The following CFAP45 variants were observed in gnomAD, a reference collection of about 807,000 sequenced individuals.
CFAP45 encodes cilia- and flagella-associated protein 45.
In CFAP45, 43 loss-of-function variants were observed where a neutral mutation model predicts 75.6. The ratio of observed to expected loss-of-function variants is 0.57; its 90% CI spans 0.45 to 0.73. The LOEUF (loss-of-function observed/expected upper bound fraction) is 0.73, where lower values mean the gene tolerates loss of function less well. CFAP45 is among the 30% of genes least tolerant of loss of function. CFAP45 has a pLI of 0.00. For missense variants in CFAP45, 689 were observed against 701.5 expected, an observed-to-expected ratio of 0.98 and a Z score of 0.20; for synonymous variants, 223 against 244.6, an observed-to-expected ratio of 0.91 and a Z score of 0.82.
chr1:159,876,449 G>C, intron 10 of CFAP45, 107 bp downstream of exon 10: 1 of 810,692 alleles, frequency 1.2e-6, no homozygotes, highest in Non-Finnish European at 2.1e-6. Context: ...ACCCAGACAA[G>C]ATCGACGAGC....
In CFAP45 at chr1:159,877,475, A is replaced by G. The variant is rs542954801; in HGVS notation, c.1045-13T>C. On this transcript the variant is annotated splice_polypyrimidine_tract_variant and intron_variant, in intron 8 of 11. Coordinates refer to ENST00000368099, the MANE Select transcript of CFAP45 (RefSeq NM_012337.3). ...CTGCTTCTCGAGCCTGCCGGAAGGAAAGGCCTTGTAGAATAGTTGCCATTG... is the reference window on the plus strand; with the variant it reads ...CTGCTTCTCGAGCCTGCCGGAAGGAGAGGCCTTGTAGAATAGTTGCCATTG... 24 of 1,589,846 alleles carry G rather than the reference A, an allele frequency of 1.5e-5. No homozygotes were observed. The highest frequency in any genetic ancestry group is 1.8e-5 in the Non-Finnish European group (21 of 1,157,950).
chr1:159,872,943 C>T lies in CFAP45; in HGVS notation c.1577+1G>A. On this transcript the variant is annotated splice_donor_variant, in intron 11 of 11. Coordinates refer to ENST00000368099, the MANE Select transcript of CFAP45 (RefSeq NM_012337.3). LOFTEE classifies it high-confidence loss of function. Reference sequence around the variant, plus strand: ...TGGGAAAGGAGGAGATTCCAGCGCACCTCAGCTCTTCAAGCTTTTTCCTCT... The same window carrying T: ...TGGGAAAGGAGGAGATTCCAGCGCATCTCAGCTCTTCAAGCTTTTTCCTCT... 6.2e-7 allele frequency: 1 copy of T among 1,613,782 alleles called. No homozygotes were observed. Among genetic ancestry groups the T allele is most frequent in the Non-Finnish European group, 8.5e-7 (1 of 1,179,638 alleles).
rs1473665191 is a variant in CFAP45, at chr1:159,884,664, C to T, written c.768-99G>A. ...CAACCCCCAAGATGGGTGGTGTCAC[C>T]GAAACAATTTGACAAGTGCCCCCTA... On this transcript the variant is annotated intron_variant, in intron 6 of 11. Transcript: ENST00000368099. The T allele has an allele frequency of 1.8e-5, 22 of 1,256,802 alleles. 1 individual carries two copies. Among genetic ancestry groups the T allele is most frequent in the Admixed American group, 4.4e-5 (2 of 45,212 alleles). 77.9% of individuals were successfully genotyped at this position (1,256,802 alleles called of 1,614,324 possible).
chr1:159,890,172 A>G (rs145399574), intron 3 of CFAP45, among the ~76,000 whole-genome samples: 18 of 152,340 alleles, frequency 1.2e-4, no homozygotes, highest in Middle Eastern at 3.4e-3. Flanking sequence ...ATGGGGACTT[A>G]GAGAGGACTC....
chr1:159,888,434 A>G lies in CFAP45; in HGVS notation c.335T>C (p.Ile112Thr). The G allele has an allele frequency of 6.2e-7, 1 of 1,606,152 alleles. No individual in the cohort carries two copies. The highest frequency in any genetic ancestry group is 8.5e-7 in the Non-Finnish European group (1 of 1,174,038). Residue 112 changes from isoleucine (I) to threonine (T), a missense_variant, in exon 4 of 12, where the codon ATC becomes ACC. Physicochemically the swap from Ile to Thr is moderately conservative, Grantham distance 89. Transcript: ENST00000368099. Reference sequence around the variant, plus strand: ...GGTCAGGACATGGGATGCCCATTTGATTCGCTCAAACTCCTCAGGGCTGAT... The same window carrying G: ...GGTCAGGACATGGGATGCCCATTTGGTTCGCTCAAACTCCTCAGGGCTGAT... Reference protein sequence around the residue: ...LIISPEEFERIKWASHVLTRE... With the variant: ...LIISPEEFERTKWASHVLTRE...
chr1:159,881,575 T>G (rs1228367562), intron 7 of CFAP45, among the ~76,000 whole-genome samples: 1 of 152,120 alleles, frequency 6.6e-6, no homozygotes, highest in Non-Finnish European at 1.5e-5. Context: ...ATAGCAAATA[T>G]TCGATAAACC....
chr1:159,876,520 A>C, intron 10 of CFAP45, 36 bp downstream of exon 10: 1 of 1,465,662 alleles, frequency 6.8e-7, no homozygotes, highest in African/African-American at 1.4e-5. Context: ...GCTACAGTAC[A>C]AGGAAAGGAA....
chr1:159,889,794 G>A (rs1329453061), intron 3 of CFAP45, among the ~76,000 whole-genome samples: 1 of 152,226 alleles, frequency 6.6e-6, no homozygotes, highest in East Asian at 1.9e-4. Context: ...TGTGACACAG[G>A]TAGGATTTTC....
intron 7 of CFAP45, among the ~76,000 whole-genome samples, chr1:159,882,470 T>C (rs557517214): frequency 1.3e-5 from 2 of 152,322 alleles, no homozygotes; most frequent in South Asian, 2.1e-4. Flanking sequence ...ACCAAAGGAC[T>C]TTCCCTGTTT....
intron 10 of CFAP45, among the ~76,000 whole-genome samples, chr1:159,874,928 C>G (rs2101840215): frequency 6.6e-6 from 1 of 152,280 alleles, no homozygotes; most frequent in South Asian, 2.1e-4. Context: ...TCCCTCTGTC[C>G]AGAAACAAAA....
intron 3 of CFAP45, among the ~76,000 whole-genome samples, chr1:159,889,733 C>T (rs1415279317): frequency 6.6e-6 from 1 of 152,214 alleles, no homozygotes; most frequent in Non-Finnish European, 1.5e-5. Context: ...CAGTAAGGGG[C>T]CGCAGTCCGA....
intron 6 of CFAP45, among the ~76,000 whole-genome samples, chr1:159,884,997 A>G (rs1427910267): frequency 6.6e-6 from 1 of 152,250 alleles, no homozygotes; most frequent in East Asian, 1.9e-4. Flanking sequence ...CAATGTTGTC[A>G]GTGATTCCCT....
At chr1:159,873,689 C>T (rs545905368) in intron 10 of CFAP45, among the ~76,000 whole-genome samples, 38 of 152,254 alleles carry the variant, frequency 2.5e-4, no homozygotes, top group African/African-American at 9.1e-4. Context: ...GCCCAAGCTA[C>T]ACATTCTCAA....
chr1:159,884,222 AAG>A lies in CFAP45; in HGVS notation c.897+212_897+213del, dbSNP rs779249671. 2.0e-5 allele frequency among the ~76,000 whole-genome samples: 3 copies of A among 151,686 alleles called. 1 individual carries two copies. In the South Asian group the frequency reaches 6.2e-4, roughly 31 times the overall value. ...TCTTGGACCTCAAGTCCTTGGAAGG[AAG>A]GGACAATATCTATCCAAATCACTGC... is the stretch of plus-strand genomic sequence containing the variant. On this transcript the variant is annotated intron_variant, in intron 7 of 11. Transcript: ENST00000368099.
At chr1:159,879,425 T>C (rs976557799) in intron 8 of CFAP45, among the ~76,000 whole-genome samples, 1 of 152,216 alleles carries the variant, frequency 6.6e-6, no homozygotes, top group Non-Finnish European at 1.5e-5. Context: ...TATTGAAGCA[T>C]CCAGTATATT....
In CFAP45 at chr1:159,886,380, G is replaced by T; in HGVS notation, c.767+131C>A. ...GTTCTGTGATTCTATGTATCACTTC[G>T]TAAAGTTTTGAGATAATAAGTAGAT... On this transcript the variant is annotated intron_variant, in intron 6 of 11. Coordinates refer to ENST00000368099, the MANE Select transcript of CFAP45 (RefSeq NM_012337.3). 3 of 816,354 alleles carry T rather than the reference G, an allele frequency of 3.7e-6. No individual in the cohort carries two copies. In the South Asian group the frequency reaches 5.1e-5, roughly 14 times the overall value. The allele number at this position is 816,354 out of a possible 1,614,324, so 50.6% of individuals were successfully genotyped here.
intron 2 of CFAP45, 134 bp from the exon 3 acceptor site, chr1:159,890,756 T>C: frequency 3.7e-6 from 2 of 545,614 alleles, no homozygotes; most frequent in Non-Finnish European, 5.8e-6. Flanking sequence ...GCTTTTCTTT[T>C]CTTTTTTTTT....
chr1:159,879,423 C>A (rs78119653), intron 8 of CFAP45, among the ~76,000 whole-genome samples: 8,755 of 152,254 alleles, frequency 0.058, 432 homozygotes, highest in African/African-American at 0.14. Flanking sequence ...CATATTGAAG[C>A]ATCCAGTATA....
In CFAP45 at chr1:159,887,855, T is replaced by C. The variant is rs200568267; in HGVS notation, c.574A>G (p.Lys192Glu). 96 of 1,612,930 alleles carry C rather than the reference T, an allele frequency of 6.0e-5. No homozygotes were observed. In the East Asian group the frequency reaches 1.6e-3, roughly 28 times the overall value. ...GAAGAGCCCACCTTGCTCATGTCCT[T>C]GAGCTCCTCCTCCTGCTCCATCCGC... ...KLRMEQEEEL[K>E]DMSKIILNAK... Residue 192 changes from lysine to glutamate, a missense_variant, in exon 5 of 12, where the codon AAG becomes GAG. By Grantham distance (56) the Lys-to-Glu change is moderately conservative (BLOSUM62 1). Coordinates refer to ENST00000368099, the MANE Select transcript of CFAP45 (RefSeq NM_012337.3).
Sources: allele counts gnomAD v4.1 joint callset (sites outside exome capture counted in the v4.1 genomes callset), GRCh38; gene constraint gnomAD v4.1.1; transcripts MANE v1.5; gene names NCBI Gene and HGNC (gene_info 2026-07-23, HGNC 2026-07-21).